The following ROBO1 variants were observed in gnomAD, a reference collection of about 807,000 sequenced individuals.
ROBO1 encodes roundabout guidance receptor 1, also known as roundabout homolog 1.
A neutral mutation model predicts 195.9 loss-of-function variants in ROBO1; 149 were observed. The observed-to-expected ratio is 0.76, with a 90% CI of 0.67 to 0.87. ROBO1 has a LOEUF of 0.87. Ranked by LOEUF, ROBO1 falls within the 40% of genes least tolerant of loss-of-function variation. ROBO1 has a pLI of 0.00. For missense variants in ROBO1, 1,933 were observed against 2,068.3 expected (o/e 0.93, Z 1.27); for synonymous variants, 816 against 733.2 (o/e 1.11, Z -1.82).
At chr3:79,629,109 C>T (rs925993593) in intron 1 of ROBO1, among the ~76,000 whole-genome samples, 3 of 152,212 alleles carry the variant, frequency 2.0e-5, no homozygotes, top group Admixed American at 1.3e-4. Context: ...AGAAAATCAA[C>T]AAAGAAACCT....
intron 1 of ROBO1, among the ~76,000 whole-genome samples, chr3:79,740,732 C>T (rs998057463): frequency 6.6e-6 from 1 of 152,096 alleles, no homozygotes; most frequent in Admixed American, 6.6e-5. Context: ...TGGCTGAAGA[C>T]ACAGAACCAA....
chr3:79,742,547 A>T (rs978353758), intron 1 of ROBO1, among the ~76,000 whole-genome samples: 2 of 151,934 alleles, frequency 1.3e-5, no homozygotes, highest in Non-Finnish European at 1.5e-5. Context: ...ACTATGTGCT[A>T]TGTGCTTGCT....
At position 79,725,718 on chromosome 3, in the gene ROBO1, T is replaced by C. The variant is rs1210047108; in HGVS notation, c.-51+42034A>G. On this transcript the variant is annotated intron_variant, in intron 1 of 30. Coordinates refer to ENST00000464233, the MANE Select transcript of ROBO1 (RefSeq NM_002941.4). ...TGTGGTAGAATACACGTCTCACAGT[T>C]AAGAAAATTTTGTATGTCTTCTGTA... Among the ~76,000 whole-genome samples the C allele has an allele frequency of 2.6e-5, 4 of 152,182 alleles. No individual in the cohort carries two copies. The East Asian group carries it at 7.7e-4, about 29-fold the overall frequency.
At chr3:78,755,211 A>G (rs1454980607) in intron 4 of ROBO1, among the ~76,000 whole-genome samples, 5 of 152,192 alleles carry the variant, frequency 3.3e-5, no homozygotes, top group Admixed American at 6.6e-5. Context: ...GGCTCAGCGC[A>G]TAATCCCAGC....
chr3:79,069,733 T>C (rs1183087530), intron 3 of ROBO1, among the ~76,000 whole-genome samples: 1 of 151,940 alleles, frequency 6.6e-6, no homozygotes, highest in Non-Finnish European at 1.5e-5. Context: ...TTAATTTGGC[T>C]AAGTTTCTTA....
At chr3:79,691,290 T>C (rs2107080440) in intron 1 of ROBO1, among the ~76,000 whole-genome samples, 1 of 151,866 alleles carries the variant, frequency 6.6e-6, no homozygotes, top group Admixed American at 6.6e-5. Flanking sequence ...AATCACTACT[T>C]ACTATCTCAA....
intron 3 of ROBO1, chr3:79,018,505 G>A (rs746011013): frequency 3.7e-6 from 6 of 1,611,992 alleles, no homozygotes; most frequent in Non-Finnish European, 4.2e-6. Flanking sequence ...CCAAGAGGAG[G>A]GAGTGGAAAT....
At chr3:78,816,966 C>T (rs2030064148) in intron 4 of ROBO1, among the ~76,000 whole-genome samples, 1 of 142,688 alleles carries the variant, frequency 7.0e-6, no homozygotes, top group African/African-American at 2.6e-5. Context: ...CACATGTACC[C>T]TAGAGCTTAA....
chr3:79,405,026 G>A (rs2037492591), intron 2 of ROBO1, among the ~76,000 whole-genome samples: 1 of 151,802 alleles, frequency 6.6e-6, no homozygotes, highest in Non-Finnish European at 1.5e-5. Context: ...TGGACTCACT[G>A]CCCCATTGAA....
chr3:79,272,782 T>A (rs1409221330), intron 2 of ROBO1, among the ~76,000 whole-genome samples: 1 of 152,064 alleles, frequency 6.6e-6, no homozygotes, highest in Non-Finnish European at 1.5e-5. Context: ...GGCAGGCTGA[T>A]GTAACCCAAA....
chr3:78,789,250 A>T (rs891603881), intron 4 of ROBO1, among the ~76,000 whole-genome samples: 3 of 152,180 alleles, frequency 2.0e-5, no homozygotes, highest in Non-Finnish European at 2.9e-5. Context: ...GGTGAAAAAT[A>T]AGAGAAAGAT....
At chr3:78,689,599 T>C (rs952782731) in intron 8 of ROBO1, among the ~76,000 whole-genome samples, 15 of 152,258 alleles carry the variant, frequency 9.9e-5, no homozygotes, top group Admixed American at 3.3e-4. Flanking sequence ...TAAGTCTTTT[T>C]ACCTACTGTT....
chr3:78,647,941 C>T (rs1242727544), intron 19 of ROBO1, among the ~76,000 whole-genome samples: 1 of 152,082 alleles, frequency 6.6e-6, no homozygotes, highest in African/African-American at 2.4e-5. Context: ...ACAGATTTAG[C>T]TCGTGGCTTT....
intron 2 of ROBO1, among the ~76,000 whole-genome samples, chr3:79,329,282 G>T (rs976358048): frequency 6.6e-5 from 10 of 152,128 alleles, no homozygotes; most frequent in Admixed American, 2.6e-4. Context: ...TAGGTCAATT[G>T]TTCCTAGTTC....
chr3:79,363,382 G>A (rs985183034), intron 2 of ROBO1, among the ~76,000 whole-genome samples: 3 of 152,044 alleles, frequency 2.0e-5, no homozygotes, highest in Non-Finnish European at 2.9e-5. Context: ...GGATGGAACT[G>A]TTATCATTTT....
intron 2 of ROBO1, among the ~76,000 whole-genome samples, chr3:79,302,748 C>T (rs2033023091): frequency 1.3e-5 from 2 of 151,652 alleles, no homozygotes; most frequent in South Asian, 2.1e-4. Flanking sequence ...TGGAAATTAA[C>T]CTTTCAGAAA....
intron 4 of ROBO1, among the ~76,000 whole-genome samples, chr3:78,801,690 A>G (rs1223099729): frequency 6.6e-6 from 1 of 152,176 alleles, no homozygotes; most frequent in Non-Finnish European, 1.5e-5. Flanking sequence ...GGTACTTTCT[A>G]TAAGTTATTT....
intron 9 of ROBO1, among the ~76,000 whole-genome samples, chr3:78,687,721 C>T (rs1455257330): frequency 6.6e-6 from 1 of 152,154 alleles, no homozygotes; most frequent in Non-Finnish European, 1.5e-5. Context: ...ACCTCGTGGG[C>T]TCAAGTGATC....
chr3:78,849,702 T>G (rs566440643), intron 4 of ROBO1, among the ~76,000 whole-genome samples: 10 of 151,822 alleles, frequency 6.6e-5, no homozygotes, highest in African/African-American at 2.4e-4. Context: ...TGACAGGAGG[T>G]TCAAAGCATG....
Sources: allele counts gnomAD v4.1 joint callset (sites outside exome capture counted in the v4.1 genomes callset), GRCh38; gene constraint gnomAD v4.1.1; transcripts MANE v1.5; gene names NCBI Gene and HGNC (gene_info 2026-07-23, HGNC 2026-07-21).